MALRD1: variants seen among roughly 807,000 people sequenced by gnomAD.
MALRD1 encodes the protein MAM and LDL-receptor class A domain-containing protein 1.
Under a neutral mutation model 242.1 loss-of-function variants are expected in MALRD1, and 247 were observed. The observed-to-expected ratio is 1.02, with a 90% CI of 0.92 to 1.13. MALRD1 has a LOEUF of 1.13. MALRD1 is among the 50% of genes most tolerant of loss of function. The pLI, the probability that MALRD1 is intolerant of heterozygous loss-of-function variation, is 0.00. For missense variants in MALRD1, 2,989 were observed against 2,533.1 expected (o/e 1.18, Z -3.86); for synonymous variants, 995 against 866.6 (o/e 1.15, Z -2.60).
intron 29 of MALRD1, 121 bp downstream of exon 29, chr10:19,450,611 G>T: frequency 1.2e-6 from 1 of 851,826 alleles, no homozygotes; most frequent in South Asian, 2.0e-5. Flanking sequence ...CAAATCAATG[G>T]AAAGGTATAA....
At chr10:19,642,557 A>T (rs986460194) in intron 36 of MALRD1, among the ~76,000 whole-genome samples, 6 of 152,200 alleles carry the variant, frequency 3.9e-5, no homozygotes, top group African/African-American at 1.4e-4. Context: ...AGGGGGAAAA[A>T]TATCAAAATT....
chr10:19,144,559 A>G (rs1347397183), intron 10 of MALRD1, among the ~76,000 whole-genome samples: 1 of 152,218 alleles, frequency 6.6e-6, no homozygotes, highest in Non-Finnish European at 1.5e-5. Flanking sequence ...GATTATTAAG[A>G]TATAGTGAGC....
chr10:19,229,918 C>G (rs923222017), intron 18 of MALRD1, among the ~76,000 whole-genome samples: 34 of 152,262 alleles, frequency 2.2e-4, no homozygotes, highest in African/African-American at 8.2e-4. Flanking sequence ...TCTCATCTTG[C>G]ACTATAGCTC....
At chr10:19,244,089 G>A (rs1476819435) in intron 18 of MALRD1, among the ~76,000 whole-genome samples, 3 of 151,964 alleles carry the variant, frequency 2.0e-5, no homozygotes, top group South Asian at 2.1e-4. Context: ...AAAGATATCC[G>A]AAACTAAGAT....
rs1407735926 is a variant in MALRD1 at position 19,710,784 on chromosome 10, T to C, written c.6314+18230T>C. On this transcript the variant is annotated intron_variant, in intron 38 of 39. Transcript: ENST00000454679. ...CCTGGAGCAATGGTTGTAGCGTTTT[T>C]CCACATCCTCCCTCTATTCACAGTA... The C allele has an allele frequency of 2.0e-5, 3 of 152,340 alleles. No homozygotes were observed. The East Asian group carries it at 5.8e-4, about 29-fold the overall frequency. The allele number at this position is 152,340 out of a possible 1,614,324, so 9.4% of individuals were successfully genotyped here.
intron 1 of MALRD1, among the ~76,000 whole-genome samples, chr10:19,066,041 A>G (rs1303982840): frequency 2.0e-5 from 3 of 152,142 alleles, no homozygotes; most frequent in Non-Finnish European, 4.4e-5. Flanking sequence ...GTCTCTTGCT[A>G]TCCATGGATA....
chr10:19,367,414 T>G (rs770472360), intron 26 of MALRD1, among the ~76,000 whole-genome samples: 1 of 152,144 alleles, frequency 6.6e-6, no homozygotes, highest in Non-Finnish European at 1.5e-5. Flanking sequence ...ATGTCTTCAG[T>G]TCCATCCATG....
chr10:19,450,317 G>A lies in MALRD1; in HGVS notation c.4856G>A (p.Gly1619Glu). 1 of 1,547,964 alleles carries A rather than the reference G, an allele frequency of 6.5e-7. No individual in the cohort carries two copies. Among genetic ancestry groups the A allele is most frequent in the Non-Finnish European group, 8.7e-7 (1 of 1,146,538 alleles). ...CTTCTTTACTTTCAGACAGAGAAAG[G>A]ACTATCAAAAGTATGGCAAGAAAGT... ...SIQILIKTEK[G>E]LSKVWQESKQ... The change falls in exon 29 of 40, where the codon GGA (glycine) becomes GAA (glutamate). Residue 1619 changes from glycine (G) to glutamate (E), a missense_variant. Coordinates refer to ENST00000454679, the MANE Select transcript of MALRD1 (RefSeq NM_001142308.3).
At position 19,352,314 on chromosome 10, in the gene MALRD1, G is replaced by A. The variant is rs1217498907; in HGVS notation, c.4441+17G>A. The A allele has an allele frequency of 6.7e-7, 1 of 1,488,544 alleles. No homozygotes were observed. Among genetic ancestry groups the A allele is most frequent in the Non-Finnish European group, 9.1e-7 (1 of 1,098,734 alleles). The allele number at this position is 1,488,544 out of a possible 1,614,324, so 92.2% of individuals were successfully genotyped here. Reference sequence around the variant, plus strand: ...TTCCAACAGGTACATTCTAATCTGTGTGTGTGTGTGGTATTTTTGCATGGT... The same window carrying A: ...TTCCAACAGGTACATTCTAATCTGTATGTGTGTGTGGTATTTTTGCATGGT... On this transcript the variant is annotated intron_variant, in intron 26 of 39. Coordinates refer to ENST00000454679, the MANE Select transcript of MALRD1 (RefSeq NM_001142308.3).
rs554945739 is a variant in MALRD1 at position 19,169,557 on chromosome 10, G to A, written c.1830+3747G>A. 5.0e-4 allele frequency among the ~76,000 whole-genome samples: 76 copies of A among 151,862 alleles called. 2 individuals are homozygous for A. Among genetic ancestry groups the A allele is most frequent in the African/African-American group, 1.8e-3 (76 of 41,374 alleles). Reference sequence around the variant, plus strand: ...TGAAGATGCAACTTTTGTCTTCCTTGTATCTCTCTCCATCCCATTTCTTAT... The same window carrying A: ...TGAAGATGCAACTTTTGTCTTCCTTATATCTCTCTCCATCCCATTTCTTAT... On this transcript the variant is annotated intron_variant, in intron 13 of 39. Transcript: ENST00000454679.
At chr10:19,645,144 G>C (rs965963028) in intron 36 of MALRD1, among the ~76,000 whole-genome samples, 1 of 152,028 alleles carries the variant, frequency 6.6e-6, no homozygotes, top group African/African-American at 2.4e-5. Flanking sequence ...AAATGGATAG[G>C]ACATCAGAGA....
chr10:19,279,478 ATAAC>A (rs1197721017), intron 19 of MALRD1, among the ~76,000 whole-genome samples: 12 of 152,204 alleles, frequency 7.9e-5, no homozygotes, highest in Admixed American at 1.3e-4. Context: ...TGTTTATTGA[ATAAC>A]TAATAAATCA....
intron 28 of MALRD1, 82 bp downstream of exon 28, chr10:19,389,691 G>C (rs1005567805): frequency 7.2e-7 from 1 of 1,384,746 alleles, no homozygotes; most frequent in African/African-American, 1.5e-5. Flanking sequence ...TCAGGCTGCA[G>C]TGCAGTGGTG....
At chr10:19,672,450 GTCTC>G (rs1280351442) in intron 36 of MALRD1, among the ~76,000 whole-genome samples, 1 of 142,008 alleles carries the variant, frequency 7.0e-6, no homozygotes, top group Non-Finnish European at 1.5e-5. Flanking sequence ...TTTTGAGGCA[GTCTC>G]TCTCTCTCAC....
In MALRD1 at chr10:19,585,184, G is replaced by C. The variant is rs185390950; in HGVS notation, c.5681-10010G>C. On this transcript the variant is annotated intron_variant, in intron 33 of 39. Transcript: ENST00000454679. Reference sequence around the variant, plus strand: ...TGGGTCTTGGCTCTTTATCCAATTTGCCGGTCTGTGTCTTTTAATTGGAGC... The same window carrying C: ...TGGGTCTTGGCTCTTTATCCAATTTCCCGGTCTGTGTCTTTTAATTGGAGC... 4.6e-5 allele frequency among the ~76,000 whole-genome samples: 7 copies of C among 152,198 alleles called. No homozygotes were observed. The East Asian group carries it at 1.4e-3, about 29-fold the overall frequency.
chr10:19,489,029 T>C (rs1288760658), intron 29 of MALRD1: 2 of 456,690 alleles, frequency 4.4e-6, no homozygotes, highest in Non-Finnish European at 8.8e-6. Flanking sequence ...CCGCCAGGGG[T>C]CTCAGCAGCT....
intron 31 of MALRD1, among the ~76,000 whole-genome samples, chr10:19,517,582 A>G (rs1457505662): frequency 3.9e-5 from 6 of 152,206 alleles, no homozygotes; most frequent in Non-Finnish European, 5.9e-5. Context: ...TAGTTCTTAT[A>G]TATGAAATCA....
chr10:19,071,143 G>A (rs1297582513), intron 2 of MALRD1, among the ~76,000 whole-genome samples: 1 of 151,892 alleles, frequency 6.6e-6, no homozygotes, highest in Non-Finnish European at 1.5e-5. Context: ...GAGTCACCAG[G>A]TCCAACCTCA....
At chr10:19,424,836 T>C (rs1833843053) in intron 28 of MALRD1, among the ~76,000 whole-genome samples, 1 of 151,986 alleles carries the variant, frequency 6.6e-6, no homozygotes, top group African/African-American at 2.4e-5. Context: ...CAGATACCAG[T>C]AACTGGATTA....
Sources: allele counts gnomAD v4.1 joint callset (sites outside exome capture counted in the v4.1 genomes callset), GRCh38; gene constraint gnomAD v4.1.1; transcripts MANE v1.5; gene names NCBI Gene and HGNC (gene_info 2026-07-23, HGNC 2026-07-21).